Variants in PPT1 observed in about 807,000 individuals in gnomAD.
PPT1 encodes the protein ceroid-palmitoyl-palmitoyl-protein thioesterase 1.
Under a neutral mutation model 44.0 loss-of-function variants are expected in PPT1, and 24 were observed. The ratio of observed to expected loss-of-function variants is 0.54; its 90% CI spans 0.39 to 0.77. The LOEUF is 0.77. Among genes scored for constraint, PPT1 ranks in the 30% least tolerant of loss-of-function variants. The probability of loss-of-function intolerance (pLI) is 0.00; values close to 1 mark genes in which losing one functional copy is unlikely to be tolerated. For synonymous variants in PPT1, 148 were observed against 140.2 expected, an observed-to-expected ratio of 1.06 and a Z score of -0.39; for missense variants, 341 against 378.8, an observed-to-expected ratio of 0.90 and a Z score of 0.83.
Position 40,092,404 on chromosome 1 carries a change from C to T in PPT1, c.228G>A (p.Leu76=). 1.2e-6 allele frequency: 2 copies of T among 1,606,760 alleles called. No homozygotes were observed. Among genetic ancestry groups the T allele is most frequent in the Non-Finnish European group, 1.7e-6 (2 of 1,173,258 alleles). Residue 76 remains leucine (L), a synonymous_variant, in exon 2 of 9, where the codon CTG becomes CTA. Coordinates refer to ENST00000642050, the MANE Select transcript of PPT1 (RefSeq NM_000310.4). ...CAGCTGTGAAGCGCCTTACCTCCAT[C>T]AGGGTCTTCCCAATCTCTAAAGATA... ...YVLSLEIGKT[L]MEDVENSFFL...
Position 40,097,231 on chromosome 1 carries a change from G to A in PPT1, c.8C>T (p.Ser3Leu), listed in dbSNP as rs747204624. The A allele has an allele frequency of 4.3e-6, 7 of 1,613,890 alleles. No individual in the cohort carries two copies. The East Asian group carries it at 1.3e-4, about 31-fold the overall frequency. The change falls in exon 1 of 9, where the codon TCG (serine) becomes TTG (leucine). Residue 3 changes from serine to leucine, a missense_variant. Ser to Leu is a moderately radical substitution (Grantham distance 145). Coordinates refer to ENST00000642050, the MANE Select transcript of PPT1 (RefSeq NM_000310.4). ...AGCCAAGAGCCACAGGCAGCCGGGC[G>A]ACGCCATCTTCGCTGTGTCACATGA... The part of the protein sequence containing the change: MA[S>L]PGCLWLLAVA...
At chr1:40,081,622 C>T (rs928571932) in intron 5 of PPT1, among the ~76,000 whole-genome samples, 1 of 152,054 alleles carries the variant, frequency 6.6e-6, no homozygotes, top group African/African-American at 2.4e-5. Context: ...CTTTTGTCTA[C>T]CGTCATGTGA....
At position 40,074,469 on chromosome 1, in the gene PPT1, TTCTC is replaced by T. The variant is rs540995323; in HGVS notation, c.799-290_799-287del. On this transcript the variant is annotated intron_variant, in intron 8 of 8. Coordinates refer to ENST00000642050, the MANE Select transcript of PPT1 (RefSeq NM_000310.4). ...TTCCTCTCTCTCTCTCTGTCTCTCT[TTCTC>T]TTTCTTTCTTTCAAGACGGAGTCTT... Among the ~76,000 whole-genome samples the T allele has an allele frequency of 7.7e-3, 1,038 of 134,712 alleles. 7 individuals carry two copies. The highest frequency in any genetic ancestry group is 0.01 in the Non-Finnish European group (643 of 64,150). The allele number at this position is 134,712 out of a possible 152,430, so 88.4% of individuals were successfully genotyped here. A position where few individuals can be genotyped will look rare whatever the true frequency, so the allele number is the denominator to read the frequency against.
chr1:40,094,528 G>GT (rs1223192846), intron 1 of PPT1, among the ~76,000 whole-genome samples: 1 of 152,110 alleles, frequency 6.6e-6, no homozygotes, highest in African/African-American at 2.4e-5. Context: ...TCAGGTTTAT[G>GT]TAAGTGTTGA....
At chr1:40,085,749 TA>T (rs1649225937) in intron 5 of PPT1, among the ~76,000 whole-genome samples, 1 of 152,238 alleles carries the variant, frequency 6.6e-6, no homozygotes, top group Non-Finnish European at 1.5e-5. Context: ...GCACACTTAA[TA>T]GACTTCAGTA....
At chr1:40,096,921 C>T in intron 1 of PPT1, 194 bp downstream of exon 1, 1 of 970,698 alleles carries the variant, frequency 1.0e-6, no homozygotes, top group Non-Finnish European at 1.6e-6. Flanking sequence ...CCTTCCCCTT[C>T]TCTCTTTCCA....
rs528826680 is a variant in PPT1 at position 40,092,572 on chromosome 1, T to G, written c.125-65A>C. On this transcript the variant is annotated intron_variant, in intron 1 of 8. Transcript: ENST00000642050. ...AATATTGTTTATTGTTTAAAAACTC[T>G]GAGGCCTCAAACAGCATTATCAAGG... The G allele has an allele frequency of 7.6e-6, 10 of 1,309,446 alleles. No individual in the cohort carries two copies. The African/African-American group carries it at 1.2e-4, about 15-fold the overall frequency. 81.1% of individuals were successfully genotyped at this position (1,309,446 alleles called of 1,614,324 possible).
At chr1:40,089,226 C>A (rs1462384820) in intron 5 of PPT1, among the ~76,000 whole-genome samples, 184 bp downstream of exon 5, 1 of 148,558 alleles carries the variant, frequency 6.7e-6, no homozygotes, top group Non-Finnish European at 1.5e-5. Flanking sequence ...GCAGAGGTTG[C>A]AGTGAGACAA....
At chr1:40,091,901 T>A in intron 3 of PPT1, 144 bp downstream of exon 3, 4 of 974,134 alleles carry the variant, frequency 4.1e-6, no homozygotes, top group Non-Finnish European at 6.0e-6. Flanking sequence ...TTAAGTTCCA[T>A]AAAGCTTCTT....
chr1:40,096,819 C>A, intron 1 of PPT1: 1 of 431,494 alleles, frequency 2.3e-6, no homozygotes. Flanking sequence ...CTAGCCTGAC[C>A]AAGTGAGAGA....
chr1:40,082,509 C>T (rs779294364), intron 5 of PPT1, among the ~76,000 whole-genome samples: 1 of 152,106 alleles, frequency 6.6e-6, no homozygotes, highest in Non-Finnish European at 1.5e-5. Flanking sequence ...CTTATTGCTG[C>T]TATGGAGAAA....
At position 40,091,352 on chromosome 1, in the gene PPT1, A is replaced by G. The variant is rs1649553228; in HGVS notation, c.410T>C (p.Ile137Thr). ...ACCTTGATGTTGTCCCCCAACCGAG[A>G]TCAGATTGATCATGGGAGGTGAAGG... The part of the protein sequence containing the change: ...RCPSPPMINL[I>T]SVGGQHQGVF... The change falls in exon 4 of 9, where the codon ATC becomes ACC. Residue 137 changes from isoleucine to threonine, a missense_variant. By Grantham distance (89) the Ile-to-Thr change is moderately conservative. Coordinates refer to ENST00000642050, the MANE Select transcript of PPT1 (RefSeq NM_000310.4). The G allele has an allele frequency of 6.2e-7, 1 of 1,614,014 alleles. No homozygotes were observed. Among genetic ancestry groups the G allele is most frequent in the African/African-American group, 1.3e-5 (1 of 74,914 alleles).
At chr1:40,089,298 TC>T in intron 5 of PPT1, 111 bp downstream of exon 5, 1 of 297,742 alleles carries the variant, frequency 3.4e-6, no homozygotes, top group Non-Finnish European at 6.0e-6. Context: ...AAAAAAAAGA[TC>T]TCATTTGAAT....
Position 40,073,194 on chromosome 1 carries a change from C to G in PPT1, c.*867G>C, listed in dbSNP as rs1570446991. The G allele has an allele frequency of 6.6e-6, 1 of 152,238 alleles. No homozygotes were observed. The highest frequency in any genetic ancestry group is 2.1e-4 in the South Asian group (1 of 4,818). 9.4% of individuals were successfully genotyped at this position (152,238 alleles called of 1,614,324 possible). Reference sequence around the variant, plus strand: ...GTTTTGGGGATGGAAGTCAGAAAGCCTGATCTTTTTCATATGGTTCCTCCT... The same window carrying G: ...GTTTTGGGGATGGAAGTCAGAAAGCGTGATCTTTTTCATATGGTTCCTCCT... On this transcript the variant is annotated 3_prime_UTR_variant, in exon 9 of 9. Transcript: ENST00000642050.
intron 3 of PPT1, 128 bp downstream of exon 3, chr1:40,091,917 G>T: frequency 8.3e-7 from 1 of 1,201,670 alleles, no homozygotes; most frequent in African/African-American, 1.6e-5. Flanking sequence ...TTCTTACACA[G>T]GAACATTTTA....
At chr1:40,090,308 T>C (rs945366980) in intron 4 of PPT1, among the ~76,000 whole-genome samples, 2 of 152,162 alleles carry the variant, frequency 1.3e-5, no homozygotes, top group South Asian at 2.1e-4. Context: ...TACACCACCA[T>C]GTGCCCAGCT....
At chr1:40,084,860 C>G (rs1235170290) in intron 5 of PPT1, among the ~76,000 whole-genome samples, 1 of 152,224 alleles carries the variant, frequency 6.6e-6, no homozygotes, top group Admixed American at 6.5e-5. Context: ...CTCTGTCATG[C>G]CCGGACAGGG....
intron 7 of PPT1, among the ~76,000 whole-genome samples, 173 bp downstream of exon 7, chr1:40,078,387 C>T (rs945316122): frequency 3.3e-5 from 5 of 152,108 alleles, no homozygotes; most frequent in South Asian, 2.1e-4. Flanking sequence ...TTTTGAGTAG[C>T]GATGGGGTTT....
chr1:40,076,142 C>G (rs140602382), intron 8 of PPT1, among the ~76,000 whole-genome samples: 2 of 151,982 alleles, frequency 1.3e-5, no homozygotes, highest in Non-Finnish European at 2.9e-5. Flanking sequence ...AATTTAGAAA[C>G]AGGATTTCAC....
Sources: gnomAD v4.1 joint callset for allele counts (sites outside exome capture counted in the v4.1 genomes callset) on GRCh38, gnomAD v4.1.1 for gene constraint, MANE v1.5 for transcripts, NCBI Gene and HGNC (gene_info 2026-07-23, HGNC 2026-07-21) for gene names.